Variants in GPC3 observed in about 807,000 individuals in gnomAD.
The protein encoded by GPC3 is glypican-3.
GPC3 carries 3 observed loss-of-function variants against 34.4 expected under a neutral mutation model. The observed-to-expected ratio is 0.09, with a 90% CI of 0.04 to 0.23. The LOEUF (loss-of-function observed/expected upper bound fraction) is 0.23. Among genes scored for constraint, GPC3 ranks in the 10% least tolerant of loss-of-function variants. The pLI is 1.00. For synonymous variants in GPC3, 177 were observed against 174.0 expected, an observed-to-expected ratio of 1.02 and a Z score of -0.13; for missense variants, 351 against 445.6, an observed-to-expected ratio of 0.79 and a Z score of 1.91.
intron 3 of GPC3, among the ~76,000 whole-genome samples, chrX:133,747,952 A>G (rs1367421261): frequency 1.8e-5 from 2 of 112,436 alleles, no homozygotes; most frequent in Non-Finnish European, 3.7e-5. Context: ...ACTAACTCTG[A>G]GAAATGCTGA....
At chrX:133,797,604 G>A (rs1471002676) in intron 2 of GPC3, among the ~76,000 whole-genome samples, 4 of 111,142 alleles carry the variant, frequency 3.6e-5, no homozygotes, top group Admixed American at 9.6e-5. Context: ...CAAGGCAGGC[G>A]GATCACTTGA....
At chrX:133,853,035 A>G (rs1466358697) in intron 2 of GPC3, among the ~76,000 whole-genome samples, 3 of 107,533 alleles carry the variant, frequency 2.8e-5, no homozygotes, top group African/African-American at 6.8e-5. Flanking sequence ...ATTCCTTTCA[A>G]TGCCAGTGAG....
intron 2 of GPC3, among the ~76,000 whole-genome samples, chrX:133,766,422 T>C (rs1339551181): frequency 8.9e-6 from 1 of 112,125 alleles, no homozygotes; most frequent in African/African-American, 3.2e-5. Context: ...CCTATCTCAT[T>C]TGAAAACCAT....
chrX:133,843,517 A>G (rs769915800), intron 2 of GPC3, among the ~76,000 whole-genome samples: 3 of 111,602 alleles, frequency 2.7e-5, no homozygotes, highest in African/African-American at 9.8e-5. Flanking sequence ...CAGTAGAATC[A>G]TGAGCCAATC....
chrX:133,976,237 T>C (rs2076514124), intron 1 of GPC3, among the ~76,000 whole-genome samples: 1 of 112,186 alleles, frequency 8.9e-6, no homozygotes, highest in South Asian at 3.8e-4. Flanking sequence ...AGGGATATTA[T>C]ATATGTGTAT....
At chrX:133,646,587 G>A (rs1488503073) in intron 6 of GPC3, among the ~76,000 whole-genome samples, 4 of 111,963 alleles carry the variant, frequency 3.6e-5, no homozygotes, top group African/African-American at 9.7e-5. Context: ...ATAGAAATAC[G>A]CACATGAATT....
chrX:133,713,980 A>G (rs2071293033), intron 3 of GPC3, among the ~76,000 whole-genome samples: 1 of 112,333 alleles, frequency 8.9e-6, no homozygotes, highest in Non-Finnish European at 1.9e-5. Flanking sequence ...TAATGGAAAA[A>G]TCACACAATG....
chrX:133,654,985 T>G (rs1320458388), intron 6 of GPC3, among the ~76,000 whole-genome samples: 1 of 111,765 alleles, frequency 8.9e-6, no homozygotes, highest in African/African-American at 3.2e-5. Flanking sequence ...TCAATCAAGA[T>G]GACCACAACA....
Position 133,661,816 on chromosome X carries a change from T to C in GPC3, c.1327A>G (p.Asn443Asp), listed in dbSNP as rs755683736. 1 of 1,194,940 alleles carries C rather than the reference T, an allele frequency of 8.4e-7. No individual in the cohort carries two copies. The highest frequency in any genetic ancestry group is 1.8e-5 in the African/African-American group (1 of 56,045). Residue 443 changes from asparagine to aspartate, a missense_variant, in exon 6 of 8, where the codon AAC becomes GAC. Coordinates refer to ENST00000370818, the MANE Select transcript of GPC3 (RefSeq NM_004484.4). The part of the protein sequence containing the change: ...SQKAARNGMK[N>D]QFNLHELKMK... ...TTCAGCTCATGGAGATTGAACTGGT[T>C]TTTCATTCCATTCCTTGCTGCCTTT...
At chrX:133,646,255 T>A in intron 6 of GPC3, among the ~76,000 whole-genome samples, 1 of 111,219 alleles carries the variant, frequency 9.0e-6, no homozygotes, top group Middle Eastern at 4.7e-3. Context: ...GTACAAAGAA[T>A]GACCTGAAAG....
At chrX:133,719,871 A>G (rs971779094) in intron 3 of GPC3, among the ~76,000 whole-genome samples, 4 of 111,806 alleles carry the variant, frequency 3.6e-5, no homozygotes, top group East Asian at 2.8e-4. Context: ...GAAAGAAAAA[A>G]CAAATAGTCC....
At chrX:133,969,833 A>G (rs1482446426) in intron 1 of GPC3, among the ~76,000 whole-genome samples, 1 of 111,926 alleles carries the variant, frequency 8.9e-6, no homozygotes, top group African/African-American at 3.2e-5. Flanking sequence ...TCACTAGATG[A>G]CAATCAAACA....
chrX:133,830,414 C>T (rs1471959007), intron 2 of GPC3, among the ~76,000 whole-genome samples: 1 of 111,835 alleles, frequency 8.9e-6, no homozygotes, highest in African/African-American at 3.2e-5. Flanking sequence ...CATGGTGGCT[C>T]ACGCCTGTAA....
At chrX:133,781,994 G>A (rs1189563471) in intron 2 of GPC3, among the ~76,000 whole-genome samples, 7 of 111,800 alleles carry the variant, frequency 6.3e-5, no homozygotes, top group Non-Finnish European at 1.1e-4. Context: ...TTTTGGATTG[G>A]AAGCACTGCC....
intron 2 of GPC3, among the ~76,000 whole-genome samples, chrX:133,781,792 G>A (rs759916842): frequency 3.6e-5 from 4 of 111,425 alleles, no homozygotes; most frequent in African/African-American, 6.5e-5. Flanking sequence ...TGTGTTCAGT[G>A]AGTGCCCGCT....
At chrX:133,646,994 C>A (rs2070551181) in intron 6 of GPC3, among the ~76,000 whole-genome samples, 1 of 111,908 alleles carries the variant, frequency 8.9e-6, no homozygotes, top group Non-Finnish European at 1.9e-5. Context: ...AGGGCTATTC[C>A]AGATGACTTC....
intron 6 of GPC3, among the ~76,000 whole-genome samples, chrX:133,601,281 T>G (rs765689251): frequency 8.9e-6 from 1 of 112,490 alleles, no homozygotes; most frequent in Non-Finnish European, 1.9e-5. Flanking sequence ...TCCCAAACTT[T>G]AATAAACAAT....
chrX:133,792,588 C>A (rs768217710), intron 2 of GPC3, among the ~76,000 whole-genome samples: 1 of 110,897 alleles, frequency 9.0e-6, no homozygotes, highest in South Asian at 3.9e-4. Flanking sequence ...TTCAGAACTC[C>A]AGCTTTCGGC....
At chrX:133,728,416 T>TTAGATAGGAAAC (rs1255075657) in intron 3 of GPC3, among the ~76,000 whole-genome samples, 1 of 111,758 alleles carries the variant, frequency 8.9e-6, no homozygotes, top group Non-Finnish European at 1.9e-5. Context: ...GGAGGAGAAT[T>TTAGATAGGAAAC]TAGATAGGAA....
Sources: gnomAD v4.1 joint callset for allele counts (sites outside exome capture counted in the v4.1 genomes callset) on GRCh38, gnomAD v4.1.1 for gene constraint, MANE v1.5 for transcripts, NCBI Gene and HGNC (gene_info 2026-07-23, HGNC 2026-07-21) for gene names.